Variants in RPL37A observed in about 807,000 individuals in gnomAD.
RPL37A encodes ribosomal protein L37a, also known as large ribosomal subunit protein eL43.
RPL37A carries 5 observed loss-of-function variants against 13.6 expected under a neutral mutation model. The ratio of observed to expected loss-of-function variants is 0.37; its 90% CI spans 0.19 to 0.78. RPL37A has a LOEUF of 0.78. Ranked by LOEUF, RPL37A falls within the 30% of genes least tolerant of loss-of-function variation. The pLI is 0.49. For missense variants in RPL37A, 77 were observed against 120.0 expected, an observed-to-expected ratio of 0.64 and a Z score of 1.67; for synonymous variants, 50 against 44.4, an observed-to-expected ratio of 1.13 and a Z score of -0.50.
chr2:216,499,452 A>T, intron 2 of RPL37A, 54 bp downstream of exon 2: 2 of 1,597,250 alleles, frequency 1.3e-6, no homozygotes, highest in Non-Finnish European at 1.7e-6. Context: ...TTTCTTACCC[A>T]AGTGAGGCCT....
At chr2:216,500,253 T>C (rs548448961) in intron 3 of RPL37A, 1 of 579,966 alleles carries the variant, frequency 1.7e-6, no homozygotes, top group Non-Finnish European at 3.1e-6. Context: ...CAGACTACTT[T>C]AGAATTTGAT....
chr2:216,499,970 G>T lies in RPL37A; in HGVS notation c.154G>T (p.Val52Leu). The T allele has an allele frequency of 6.2e-7, 1 of 1,614,164 alleles. No individual in the cohort carries two copies. Among genetic ancestry groups the T allele is most frequent in the Non-Finnish European group, 8.5e-7 (1 of 1,179,984 alleles). ...ATAGACCAAGATGAAGAGACGAGCT[G>T]TGGGGATCTGGCACTGTGGTTCCTG... ...CGKTKMKRRA[V>L]GIWHCGSCMK... Residue 52 changes from valine to leucine, a missense_variant, in exon 3 of 4, where the codon GTG becomes TTG. Physicochemically the swap from Val to Leu is conservative, Grantham distance 32. Around this residue, in one of 3 missense-constraint regions of RPL37A, gnomAD observed 59 missense variants for 65.5 expected, o/e 0.90. Transcript: ENST00000491306.
At chr2:216,500,730 A>T (rs1415984431) in intron 3 of RPL37A, 1 of 152,322 alleles carries the variant, frequency 6.6e-6, no homozygotes, top group East Asian at 1.9e-4. Context: ...TTCTGATAGG[A>T]AAGTGAATTA....
intron 3 of RPL37A, 184 bp from the exon 4 acceptor site, chr2:216,501,157 C>T: frequency 1.9e-6 from 1 of 516,050 alleles, no homozygotes; most frequent in Non-Finnish European, 3.5e-6. Flanking sequence ...GAGGAGTAAT[C>T]TAATGTTGGT....
At chr2:216,500,125 C>T in intron 3 of RPL37A, 94 bp downstream of exon 3, 3 of 894,288 alleles carry the variant, frequency 3.4e-6, no homozygotes, top group Non-Finnish European at 5.6e-6. Context: ...AACACTTTCT[C>T]AGGACTGAGA....
In RPL37A at chr2:216,501,606, AAT is replaced by A. The variant is rs1296776939; in HGVS notation, c.*206_*207del. On this transcript the variant is annotated 3_prime_UTR_variant, in exon 4 of 4. Coordinates refer to ENST00000491306, the MANE Select transcript of RPL37A (RefSeq NM_000998.5). ...GTCAAATGGTAAAATGCAGCATAAGAATATAAGTCTTCCAAGTTAGATATGAG... is the reference window on the plus strand; with the variant it reads ...GTCAAATGGTAAAATGCAGCATAAGAATAAGTCTTCCAAGTTAGATATGAG... 2.3e-6 allele frequency: 1 copy of A among 435,926 alleles called. No homozygotes were observed. Among genetic ancestry groups the A allele is most frequent in the Non-Finnish European group, 4.1e-6 (1 of 245,020 alleles). 27.0% of individuals were successfully genotyped at this position (435,926 alleles called of 1,614,324 possible).
chr2:216,500,530 A>C (rs774933511), intron 3 of RPL37A: 7 of 168,342 alleles, frequency 4.2e-5, no homozygotes, highest in Non-Finnish European at 7.8e-5. Context: ...ACTACAAACT[A>C]GCATCTAGAC....
chr2:216,501,248 C>T (rs1250788881), intron 3 of RPL37A, 93 bp from the exon 4 acceptor site: 4 of 1,015,280 alleles, frequency 3.9e-6, no homozygotes, highest in South Asian at 1.4e-5. Flanking sequence ...ATTTGGGAAG[C>T]GACTTTAACA....
At chr2:216,500,147 C>A (rs1432962833) in intron 3 of RPL37A, 116 bp downstream of exon 3, 1 of 745,832 alleles carries the variant, frequency 1.3e-6, no homozygotes, top group Non-Finnish European at 2.3e-6. Flanking sequence ...AATAAGGATG[C>A]CTTTGTATTT....
chr2:216,502,226 C>T lies in RPL37A; in HGVS notation c.*822C>T, dbSNP rs1695610115. 6.6e-6 allele frequency: 1 copy of T among 152,138 alleles called. No homozygotes were observed. Among genetic ancestry groups the T allele is most frequent in the South Asian group, 2.1e-4 (1 of 4,830 alleles). 9.4% of individuals were successfully genotyped at this position (152,138 alleles called of 1,614,324 possible). A position where few individuals can be genotyped will look rare whatever the true frequency, so the allele number is the denominator to read the frequency against. Reference sequence around the variant, plus strand: ...CCTGTAATCCCAGCTACTTTGGAGGCTCAGGCACAAGAATCACTTGAACCT... The same window carrying T: ...CCTGTAATCCCAGCTACTTTGGAGGTTCAGGCACAAGAATCACTTGAACCT... On this transcript the variant is annotated 3_prime_UTR_variant, in exon 4 of 4. Transcript: ENST00000491306.
rs1178943126 is a variant in RPL37A at position 216,502,098 on chromosome 2, A to T, written c.*694A>T. On this transcript the variant is annotated 3_prime_UTR_variant, in exon 4 of 4. Coordinates refer to ENST00000491306, the MANE Select transcript of RPL37A (RefSeq NM_000998.5). ...TCCCAGCACTTTGGGTGGCTGAGGCAGGTGGATTACTTGAGGCCAGGAGAT... is the reference window on the plus strand; with the variant it reads ...TCCCAGCACTTTGGGTGGCTGAGGCTGGTGGATTACTTGAGGCCAGGAGAT... 1 of 152,120 alleles carries T rather than the reference A, an allele frequency of 6.6e-6. No homozygotes were observed. Among genetic ancestry groups the T allele is most frequent in the Non-Finnish European group, 1.5e-5 (1 of 68,004 alleles). 9.4% of individuals were successfully genotyped at this position (152,120 alleles called of 1,614,324 possible). A position where few individuals can be genotyped will look rare whatever the true frequency, so the allele number is the denominator to read the frequency against.
chr2:216,499,625 T>G, intron 2 of RPL37A: 2 of 642,908 alleles, frequency 3.1e-6, no homozygotes, highest in Non-Finnish European at 5.3e-6. Context: ...AAATAATCAT[T>G]TGACAGAGTG....
At position 216,502,050 on chromosome 2, in the gene RPL37A, G is replaced by T. The variant is rs1356941840; in HGVS notation, c.*646G>T. On this transcript the variant is annotated 3_prime_UTR_variant, in exon 4 of 4. Coordinates refer to ENST00000491306, the MANE Select transcript of RPL37A (RefSeq NM_000998.5). ...ATATTTTTATAATGTGTCTAGGCTG[G>T]GTGCGGTGACTCACGCCTGAAATCC... 1 of 152,168 alleles carries T rather than the reference G, an allele frequency of 6.6e-6. No homozygotes were observed. Among genetic ancestry groups the T allele is most frequent in the African/African-American group, 2.4e-5 (1 of 41,446 alleles). The allele number at this position is 152,168 out of a possible 1,614,324, so 9.4% of individuals were successfully genotyped here. A position where few individuals can be genotyped will look rare whatever the true frequency, so the allele number is the denominator to read the frequency against.
chr2:216,500,321 G>A (rs1350476116), intron 3 of RPL37A: 5 of 433,366 alleles, frequency 1.2e-5, no homozygotes, highest in Admixed American at 4.0e-5. Flanking sequence ...CCATTAGTGG[G>A]GCTGAATCTA....
At chr2:216,499,569 T>A (rs940537169) in intron 2 of RPL37A, 171 bp downstream of exon 2, 2 of 832,730 alleles carry the variant, frequency 2.4e-6, no homozygotes, top group Non-Finnish European at 3.7e-6. Context: ...TCAGATTTTG[T>A]GAGACGTTTT....
intron 3 of RPL37A, 53 bp downstream of exon 3, chr2:216,500,084 A>G (rs1453893569): frequency 7.0e-7 from 1 of 1,425,584 alleles, no homozygotes; most frequent in Non-Finnish European, 9.9e-7. Context: ...ATAGGCCCAA[A>G]TTCCAGGTTG....
intron 2 of RPL37A, 109 bp downstream of exon 2, chr2:216,499,507 A>T (rs1446906769): frequency 7.9e-7 from 1 of 1,272,856 alleles, no homozygotes; most frequent in Non-Finnish European, 1.1e-6. Flanking sequence ...GGCAGTTGGA[A>T]TTACTCATAC....
At chr2:216,499,157 A>G (rs1227972084) in intron 1 of RPL37A, 113 bp from the exon 2 acceptor site, 10 of 1,333,586 alleles carry the variant, frequency 7.5e-6, no homozygotes, top group Non-Finnish European at 1.0e-5. Flanking sequence ...ACTAGGTCAT[A>G]TGTAATTCAC....
chr2:216,499,816 CTGTTT>C (rs1695568192), intron 2 of RPL37A, 128 bp from the exon 3 acceptor site: 1 of 798,476 alleles, frequency 1.3e-6, no homozygotes, highest in African/African-American at 1.7e-5. Flanking sequence ...ACAGCAATCC[CTGTTT>C]TGTTTTTGAG....
Sources: allele counts gnomAD v4.1 joint callset, GRCh38; gene constraint gnomAD v4.1.1; regional missense constraint gnomAD v4.1.1; transcripts MANE v1.5; gene names NCBI Gene and HGNC (gene_info 2026-07-23, HGNC 2026-07-21).